TTC27: variants seen among roughly 807,000 people sequenced by gnomAD.
The protein encoded by TTC27 is tetratricopeptide repeat domain 27, also known as tetratricopeptide repeat protein 27.
In TTC27, 79 loss-of-function variants were observed where a neutral mutation model predicts 115.9. The ratio of observed to expected loss-of-function variants is 0.68; its 90% CI spans 0.57 to 0.82. The LOEUF (loss-of-function observed/expected upper bound fraction) is 0.82, where lower values mean the gene tolerates loss of function less well. TTC27 is among the 40% of genes least tolerant of loss of function. The pLI, the probability that TTC27 is intolerant of heterozygous loss-of-function variation, is 0.00. For synonymous variants in TTC27, 401 were observed against 356.0 expected, an observed-to-expected ratio of 1.13 and a Z score of -1.42; for missense variants, 1,054 against 993.1, an observed-to-expected ratio of 1.06 and a Z score of -0.82.
intron 5 of TTC27, among the ~76,000 whole-genome samples, chr2:32,654,924 G>A (rs546169745): frequency 2.6e-5 from 4 of 151,056 alleles, no homozygotes; most frequent in Non-Finnish European, 5.9e-5. Context: ...TCCAACTCCT[G>A]ACCTCAAATG....
rs36003831 is a variant in TTC27, at chr2:32,748,689, C to CTT, written c.1453-9588_1453-9587dup. Among the ~76,000 whole-genome samples, 112 of 133,308 alleles carry CTT rather than the reference C, an allele frequency of 8.4e-4. 1 individual carries two copies. Among genetic ancestry groups the CTT allele is most frequent in the South Asian group, 1.9e-3 (8 of 4,132 alleles). 87.5% of individuals were successfully genotyped at this position (133,308 alleles called of 152,430 possible). ...AAAATGTGCCTTTGTTCTAACAATT[C>CTT]TTTTTTTTTTTTTTTTGAGATGGAG... On this transcript the variant is annotated intron_variant, in intron 12 of 19. Coordinates refer to ENST00000317907, the MANE Select transcript of TTC27 (RefSeq NM_017735.5).
intron 10 of TTC27, among the ~76,000 whole-genome samples, chr2:32,724,377 T>A (rs889129905): frequency 1.3e-5 from 2 of 152,126 alleles, no homozygotes; most frequent in African/African-American, 4.8e-5. Context: ...CCAGAAGCAG[T>A]GGAAGGGCAG....
intron 6 of TTC27, 121 bp from the exon 7 acceptor site, chr2:32,666,514 T>C: frequency 9.4e-7 from 1 of 1,066,152 alleles, no homozygotes; most frequent in Non-Finnish European, 1.3e-6. Context: ...CTCAGGACTT[T>C]CTTATGTGAA....
chr2:32,684,862 T>TA (rs1666574706), intron 9 of TTC27, among the ~76,000 whole-genome samples: 1 of 150,520 alleles, frequency 6.6e-6, no homozygotes, highest in Non-Finnish European at 1.5e-5. Flanking sequence ...AAACTGTACT[T>TA]ACACATGTCA....
At chr2:32,813,648 G>A (rs2148049298) in intron 18 of TTC27, among the ~76,000 whole-genome samples, 1 of 152,186 alleles carries the variant, frequency 6.6e-6, no homozygotes, top group African/African-American at 2.4e-5. Flanking sequence ...TAGATGATAA[G>A]GGACTCAAAA....
intron 12 of TTC27, 40 bp downstream of exon 12, chr2:32,736,856 C>G: frequency 6.2e-7 from 1 of 1,602,872 alleles, no homozygotes; most frequent in Non-Finnish European, 8.5e-7. Flanking sequence ...TGAGAGCCTT[C>G]CCTCTGGGAG....
rs200824102 is a variant in TTC27, at chr2:32,640,340, C to T, written c.467C>T (p.Ser156Leu). ...LDGESIYSLT[S>L]KPILLLLARI... ...GGTGAATCAATCTACAGCCTGACCT[C>T]GAAGCCTATACTACTGTTATTAGCA... The change falls in exon 4 of 20, where the codon TCG (serine) becomes TTG (leucine). Residue 156 changes from serine to leucine, a missense_variant. Physicochemically the swap from Ser to Leu is moderately radical, Grantham distance 145 (BLOSUM62 -2). Coordinates refer to ENST00000317907, the MANE Select transcript of TTC27 (RefSeq NM_017735.5). 275 of 1,613,814 alleles carry T rather than the reference C, an allele frequency of 1.7e-4. No homozygotes were observed. Among genetic ancestry groups the T allele is most frequent in the Non-Finnish European group, 1.8e-4 (213 of 1,179,938 alleles).
At chr2:32,744,892 A>G (rs1668764907) in intron 12 of TTC27, among the ~76,000 whole-genome samples, 1 of 151,928 alleles carries the variant, frequency 6.6e-6, no homozygotes. Flanking sequence ...TACTAAAAAT[A>G]CAAAACTTAG....
Position 32,798,323 on chromosome 2 carries a change from C to G in TTC27, c.1998+11174C>G, listed in dbSNP as rs190684612. Among the ~76,000 whole-genome samples the G allele has an allele frequency of 3.8e-3, 580 of 151,842 alleles. 7 individuals carry two copies. Among genetic ancestry groups the G allele is most frequent in the African/African-American group, 0.013 (558 of 41,390 alleles). ...ACTGAGGCAGGAGAATGGAGTGGAC[C>G]CAGGAGGTGGAGCTTGCAGTGAGCC... On this transcript the variant is annotated intron_variant, in intron 16 of 19. Coordinates refer to ENST00000317907, the MANE Select transcript of TTC27 (RefSeq NM_017735.5).
intron 7 of TTC27, among the ~76,000 whole-genome samples, chr2:32,671,799 G>A (rs1237399556): frequency 6.6e-6 from 1 of 152,192 alleles, no homozygotes; most frequent in Non-Finnish European, 1.5e-5. Context: ...GAGTTGGGAA[G>A]TTGATGTTTT....
intron 5 of TTC27, among the ~76,000 whole-genome samples, chr2:32,660,694 A>G (rs1046593054): frequency 1.3e-5 from 2 of 152,150 alleles, no homozygotes; most frequent in Admixed American, 1.3e-4. Flanking sequence ...GTAGATTGCA[A>G]AACTTTTCTC....
chr2:32,712,011 T>C (rs1667598166), intron 10 of TTC27, among the ~76,000 whole-genome samples: 1 of 152,134 alleles, frequency 6.6e-6, no homozygotes, highest in Non-Finnish European at 1.5e-5. Context: ...AATCTTGTTC[T>C]ATTATGTGTT....
At chr2:32,740,471 T>C (rs1668593908) in intron 12 of TTC27, among the ~76,000 whole-genome samples, 1 of 149,264 alleles carries the variant, frequency 6.7e-6, no homozygotes, top group Admixed American at 6.7e-5. Context: ...TTTTCTATCA[T>C]AGAGATTCTT....
chr2:32,644,864 CCTTT>C (rs1664793737), intron 4 of TTC27, among the ~76,000 whole-genome samples: 1 of 122,362 alleles, frequency 8.2e-6, no homozygotes, highest in Non-Finnish European at 1.7e-5. Context: ...TTTCTTCCTT[CCTTT>C]CTGCTTTTTT....
At chr2:32,643,782 AC>A (rs1367608183) in intron 4 of TTC27, among the ~76,000 whole-genome samples, 1 of 151,916 alleles carries the variant, frequency 6.6e-6, no homozygotes. Flanking sequence ...CGCCTGTAAT[AC>A]CAGCACTTTG....
At chr2:32,776,710 G>A (rs1388971098) in intron 13 of TTC27, among the ~76,000 whole-genome samples, 2 of 152,156 alleles carry the variant, frequency 1.3e-5, no homozygotes, top group Non-Finnish European at 2.9e-5. Context: ...CTAGGTTCAA[G>A]CGATTCTCCT....
intron 4 of TTC27, among the ~76,000 whole-genome samples, chr2:32,649,094 C>T (rs537678253): frequency 2.6e-5 from 4 of 152,232 alleles, no homozygotes; most frequent in Non-Finnish European, 2.9e-5. Flanking sequence ...ACTTGAAAAA[C>T]AGGTGCTGTC....
chr2:32,770,824 G>T (rs1025269065), intron 13 of TTC27, among the ~76,000 whole-genome samples: 1 of 151,998 alleles, frequency 6.6e-6, no homozygotes, highest in Non-Finnish European at 1.5e-5. Flanking sequence ...GATTTATATC[G>T]TTTCTGTTTT....
chr2:32,798,024 C>T (rs368675105), intron 16 of TTC27, among the ~76,000 whole-genome samples: 2 of 151,390 alleles, frequency 1.3e-5, no homozygotes, highest in South Asian at 2.1e-4. Context: ...AGATGTGCAG[C>T]ACCACTAATC....
Sources: gnomAD v4.1 joint callset for allele counts (sites outside exome capture counted in the v4.1 genomes callset) on GRCh38, gnomAD v4.1.1 for gene constraint, MANE v1.5 for transcripts, NCBI Gene and HGNC (gene_info 2026-07-23, HGNC 2026-07-21) for gene names.